EIF4E: variants seen among roughly 807,000 people sequenced by gnomAD.
EIF4E encodes eIF-4F 25 kDa subunit.
For missense variants in EIF4E, 113 were observed against 265.6 expected (o/e 0.43, Z 3.99); for synonymous variants, 71 against 88.5 (o/e 0.80, Z 1.11).
At chr4:98,923,055 T>A (rs1725718703) in intron 1 of EIF4E, among the ~76,000 whole-genome samples, 1 of 151,950 alleles carries the variant, frequency 6.6e-6, no homozygotes, top group Non-Finnish European at 1.5e-5. Flanking sequence ...TTCTCCATGC[T>A]GGTCAGGCTG....
intron 1 of EIF4E, among the ~76,000 whole-genome samples, chr4:98,926,971 T>C (rs1311263383): frequency 2.6e-5 from 4 of 152,340 alleles, no homozygotes; most frequent in African/African-American, 9.6e-5. Context: ...GAACTCCTTA[T>C]TGTTTTATAG....
At chr4:98,911,072 CAG>C (rs1034855552) in intron 1 of EIF4E, among the ~76,000 whole-genome samples, 10 of 149,720 alleles carry the variant, frequency 6.7e-5, no homozygotes, top group African/African-American at 1.5e-4. Context: ...CCCTTTGAGA[CAG>C]AGTCTTGCCC....
chr4:98,928,258 G>A (rs1350879735), intron 1 of EIF4E, among the ~76,000 whole-genome samples: 1 of 151,968 alleles, frequency 6.6e-6, no homozygotes, highest in Non-Finnish European at 1.5e-5. Context: ...CGGCTACAGC[G>A]ATCTGTAGGC....
At chr4:98,884,460 T>C (rs1454765164) in intron 6 of EIF4E, among the ~76,000 whole-genome samples, 6 of 152,174 alleles carry the variant, frequency 3.9e-5, no homozygotes, top group Non-Finnish European at 7.4e-5. Context: ...GATAGCACTT[T>C]GGGAGGCTGA....
chr4:98,920,560 G>A (rs1309920620), intron 1 of EIF4E, among the ~76,000 whole-genome samples: 1 of 152,098 alleles, frequency 6.6e-6, no homozygotes, highest in Non-Finnish European at 1.5e-5. Context: ...CTCCCAAAGT[G>A]CTGGGATTAC....
chr4:98,921,465 T>G (rs1002740249), intron 1 of EIF4E, among the ~76,000 whole-genome samples: 1 of 152,026 alleles, frequency 6.6e-6, no homozygotes, highest in Non-Finnish European at 1.5e-5. Flanking sequence ...ACCTCCCAGG[T>G]TGAAGCAATT....
rs1296048115 is a variant in EIF4E at position 98,879,837 on chromosome 4, A to T, written c.*1191T>A. ...ACTGAATGACTGTGCCTTACTTTATAAAAAAACAAAGATAGCCACATCAAT... is the reference window on the plus strand; with the variant it reads ...ACTGAATGACTGTGCCTTACTTTATTAAAAAACAAAGATAGCCACATCAAT... On this transcript the variant is annotated 3_prime_UTR_variant, in exon 7 of 7. Transcript: ENST00000450253. 6.6e-6 allele frequency: 1 copy of T among 152,124 alleles called. No homozygotes were observed. Among genetic ancestry groups the T allele is most frequent in the African/African-American group, 2.4e-5 (1 of 41,452 alleles). The allele number at this position is 152,124 out of a possible 1,614,324, so 9.4% of individuals were successfully genotyped here. A position where few individuals can be genotyped will look rare whatever the true frequency, so the allele number is the denominator to read the frequency against.
chr4:98,883,714 T>G (rs971856512), intron 6 of EIF4E, among the ~76,000 whole-genome samples: 3 of 151,422 alleles, frequency 2.0e-5, no homozygotes, highest in African/African-American at 7.3e-5. Flanking sequence ...CAAATATTAC[T>G]AATATAATTG....
intron 1 of EIF4E, among the ~76,000 whole-genome samples, chr4:98,919,340 A>AC (rs955524360): frequency 8.2e-5 from 12 of 147,102 alleles, no homozygotes; most frequent in South Asian, 4.2e-4. Flanking sequence ...AGCAAAAAAA[A>AC]AAAAAACAAA....
chr4:98,896,127 C>T (rs1003969442), intron 2 of EIF4E, among the ~76,000 whole-genome samples: 25 of 151,824 alleles, frequency 1.6e-4, no homozygotes, highest in Non-Finnish European at 2.4e-4. Context: ...ACCTGGGAGG[C>T]GGAGGTTGCA....
intron 3 of EIF4E, among the ~76,000 whole-genome samples, chr4:98,889,414 A>G (rs893396788): frequency 6.6e-6 from 1 of 152,196 alleles, no homozygotes; most frequent in Non-Finnish European, 1.5e-5. Context: ...GACCTTCAAT[A>G]AAATACTTTT....
chr4:98,894,755 C>T (rs1284284261), intron 2 of EIF4E, among the ~76,000 whole-genome samples: 1 of 152,234 alleles, frequency 6.6e-6, no homozygotes, highest in Non-Finnish European at 1.5e-5. Context: ...CTTTCGATCT[C>T]CTTCAAGAAT....
At chr4:98,913,968 T>G (rs1725259576) in intron 1 of EIF4E, among the ~76,000 whole-genome samples, 1 of 151,990 alleles carries the variant, frequency 6.6e-6, no homozygotes, top group African/African-American at 2.4e-5. Context: ...CCACGGCGTT[T>G]ATGATGTAAG....
intron 1 of EIF4E, among the ~76,000 whole-genome samples, chr4:98,928,097 GT>G (rs1721284026): frequency 6.6e-6 from 1 of 152,200 alleles, no homozygotes; most frequent in Non-Finnish European, 1.5e-5. Flanking sequence ...AATAAACTGC[GT>G]CTCAGAAATC....
At chr4:98,909,280 TG>T (rs1196994132) in intron 1 of EIF4E, among the ~76,000 whole-genome samples, 1 of 152,244 alleles carries the variant, frequency 6.6e-6, no homozygotes, top group Non-Finnish European at 1.5e-5. Flanking sequence ...CTCTTTTATG[TG>T]TACAAATAAC....
At chr4:98,910,223 TC>T (rs1188095508) in intron 1 of EIF4E, among the ~76,000 whole-genome samples, 1 of 152,126 alleles carries the variant, frequency 6.6e-6, no homozygotes, top group Non-Finnish European at 1.5e-5. Flanking sequence ...ACTTTTATAC[TC>T]CTCCCTTAAC....
intron 2 of EIF4E, among the ~76,000 whole-genome samples, chr4:98,894,712 T>C (rs1238134559): frequency 2.0e-5 from 3 of 152,228 alleles, no homozygotes; most frequent in Admixed American, 6.5e-5. Context: ...GCTGTTTTGT[T>C]TTCTTATCAT....
intron 3 of EIF4E, among the ~76,000 whole-genome samples, chr4:98,889,143 G>A (rs1369363404): frequency 1.3e-5 from 2 of 148,186 alleles, no homozygotes; most frequent in African/African-American, 5.0e-5. Context: ...TGGTGACAGA[G>A]CTAGACTCCA....
At chr4:98,928,694 G>A (rs2110233881) in intron 1 of EIF4E, among the ~76,000 whole-genome samples, 1 of 152,254 alleles carries the variant, frequency 6.6e-6, no homozygotes, top group South Asian at 2.1e-4. Flanking sequence ...TCTCACTCCA[G>A]GCCGGCTCGC....
Sources: gnomAD v4.1 joint callset for allele counts (sites outside exome capture counted in the v4.1 genomes callset) on GRCh38, gnomAD v4.1.1 for gene constraint, MANE v1.5 for transcripts, NCBI Gene and HGNC (gene_info 2026-07-23, HGNC 2026-07-21) for gene names.